Variants in PARP8 observed in about 807,000 individuals in gnomAD.
The protein encoded by PARP8 is protein mono-ADP-ribosyltransferase PARP8.
A neutral mutation model predicts 124.1 loss-of-function variants in PARP8; 51 were observed. The ratio of observed to expected loss-of-function variants is 0.41; its 90% CI spans 0.33 to 0.52. PARP8 has a LOEUF of 0.52. PARP8 is among the 20% of genes least tolerant of loss of function. PARP8 has a pLI of 0.21. For missense variants in PARP8, 860 were observed against 1,018.9 expected (o/e 0.84, Z 2.12); for synonymous variants, 391 against 361.5 (o/e 1.08, Z -0.93).
chr5:50,797,045 A>C lies in PARP8; in HGVS notation c.1479+13A>C. 6.2e-7 allele frequency: 1 copy of C among 1,612,786 alleles called. No individual in the cohort carries two copies. The highest frequency in any genetic ancestry group is 8.5e-7 in the Non-Finnish European group (1 of 1,179,176). On this transcript the variant is annotated intron_variant, in intron 13 of 25. Coordinates refer to ENST00000281631, the MANE Select transcript of PARP8 (RefSeq NM_024615.4). Reference sequence around the variant, plus strand: ...CTTCCTGGTGCAGGTATGAGCCAAAACTCTATCCATTGTACAAATATTTTA... The same window carrying C: ...CTTCCTGGTGCAGGTATGAGCCAAACCTCTATCCATTGTACAAATATTTTA...
At chr5:50,801,372 T>C (rs1260131224) in intron 14 of PARP8, among the ~76,000 whole-genome samples, 2 of 152,200 alleles carry the variant, frequency 1.3e-5, no homozygotes, top group East Asian at 3.9e-4. Flanking sequence ...GTGATGGGAT[T>C]ACAGGCGTGA....
chr5:50,841,270 C>T (rs1447855710), intron 25 of PARP8, among the ~76,000 whole-genome samples: 1 of 151,644 alleles, frequency 6.6e-6, no homozygotes, highest in African/African-American at 2.4e-5. Context: ...TTCTTATTGC[C>T]CAAGTAACTG....
At chr5:50,735,369 C>T (rs556193343) in intron 2 of PARP8, among the ~76,000 whole-genome samples, 37 of 152,186 alleles carry the variant, frequency 2.4e-4, no homozygotes, top group African/African-American at 8.7e-4. Flanking sequence ...AATGTGACTC[C>T]TTTGTTCTAA....
In PARP8 at chr5:50,710,130, G is replaced by C. The variant is rs373612871; in HGVS notation, c.147-40021G>C. Among the ~76,000 whole-genome samples, 97 of 151,306 alleles carry C rather than the reference G, an allele frequency of 6.4e-4. No homozygotes were observed. In the East Asian group the frequency reaches 0.012, roughly 18 times the overall value. On this transcript the variant is annotated intron_variant, in intron 2 of 25. Transcript: ENST00000281631. ...ATTCATATTAATAATTTTTTTCTGG[G>C]GCTAATTATTGTGCTTTCATTTTAT...
intron 21 of PARP8, among the ~76,000 whole-genome samples, chr5:50,829,259 C>T (rs1463935488): frequency 6.6e-6 from 1 of 152,002 alleles, no homozygotes; most frequent in Admixed American, 6.6e-5. Flanking sequence ...CATCTGACAG[C>T]ATAAGGACAT....
intron 9 of PARP8, among the ~76,000 whole-genome samples, chr5:50,782,554 A>G: frequency 6.6e-6 from 1 of 152,214 alleles, no homozygotes; most frequent in Non-Finnish European, 1.5e-5. Context: ...GATTAGGATT[A>G]TTGCTAGCAA....
chr5:50,766,461 C>T (rs1487018262), intron 7 of PARP8, among the ~76,000 whole-genome samples: 1 of 152,156 alleles, frequency 6.6e-6, no homozygotes, highest in East Asian at 1.9e-4. Flanking sequence ...AAGGGAATTA[C>T]AGATCAGAAA....
intron 2 of PARP8, among the ~76,000 whole-genome samples, chr5:50,732,239 G>C (rs1473559854): frequency 2.0e-5 from 3 of 152,032 alleles, no homozygotes; most frequent in African/African-American, 7.3e-5. Flanking sequence ...TTTAGTGAGT[G>C]GTTCTAAGAA....
chr5:50,798,152 T>G lies in PARP8; in HGVS notation c.1575+919T>G, dbSNP rs544368458. Among the ~76,000 whole-genome samples, 11 of 152,306 alleles carry G rather than the reference T, an allele frequency of 7.2e-5. No individual in the cohort carries two copies. The South Asian group carries it at 8.3e-4, about 11-fold the overall frequency. On this transcript the variant is annotated intron_variant, in intron 14 of 25. Coordinates refer to ENST00000281631, the MANE Select transcript of PARP8 (RefSeq NM_024615.4). ...CATATGTCAGTACTTTTATTTCTTT[T>G]TATGGCAGAATAATATACATTTTAT...
chr5:50,667,619 C>T (rs2112177112), intron 1 of PARP8: 1 of 699,018 alleles, frequency 1.4e-6, no homozygotes, highest in Non-Finnish European at 2.6e-6. Flanking sequence ...GCGCCCGGCG[C>T]CGAGGACCCC....
At position 50,694,584 on chromosome 5, in the gene PARP8, G is replaced by A. The variant is rs567711045; in HGVS notation, c.146+26459G>A. ...CTTTAAGAACCTCAGTTTTAACTAT[G>A]AGCCTGACAGTGCACATTGAGATAT... On this transcript the variant is annotated intron_variant, in intron 2 of 25. Transcript: ENST00000281631. Among the ~76,000 whole-genome samples, 13 of 152,276 alleles carry A rather than the reference G, an allele frequency of 8.5e-5. No homozygotes were observed. In the East Asian group the frequency reaches 2.3e-3, roughly 27 times the overall value.
intron 22 of PARP8, among the ~76,000 whole-genome samples, chr5:50,832,017 A>G (rs1297135452): frequency 6.6e-6 from 1 of 152,130 alleles, no homozygotes; most frequent in Non-Finnish European, 1.5e-5. Flanking sequence ...CTTCTCCTCA[A>G]CCTGTCCCCA....
chr5:50,794,793 T>C, intron 11 of PARP8, 60 bp from the exon 12 acceptor site: 1 of 1,435,998 alleles, frequency 7.0e-7, no homozygotes, highest in African/African-American at 1.4e-5. Flanking sequence ...ATGACAAGCT[T>C]TCTTCATGGT....
At chr5:50,768,891 A>C (rs923761241) in intron 7 of PARP8, among the ~76,000 whole-genome samples, 1 of 152,184 alleles carries the variant, frequency 6.6e-6, no homozygotes, top group Non-Finnish European at 1.5e-5. Flanking sequence ...ATGGGTTTGC[A>C]TATACACAGC....
intron 3 of PARP8, among the ~76,000 whole-genome samples, chr5:50,752,343 A>G (rs1028576699): frequency 8.6e-5 from 13 of 152,020 alleles, no homozygotes; most frequent in African/African-American, 3.1e-4. Context: ...AGAACTTGCA[A>G]ACAAATCTGT....
chr5:50,712,574 C>T (rs578024436), intron 2 of PARP8, among the ~76,000 whole-genome samples: 1 of 152,156 alleles, frequency 6.6e-6, no homozygotes, highest in Non-Finnish European at 1.5e-5. Context: ...ATGATTTCCT[C>T]ATTTACTCAT....
At chr5:50,713,697 A>G (rs1755013407) in intron 2 of PARP8, among the ~76,000 whole-genome samples, 2 of 152,054 alleles carry the variant, frequency 1.3e-5, no homozygotes, top group African/African-American at 4.8e-5. Context: ...AATATGATTA[A>G]ATTAAGATTT....
At chr5:50,760,207 G>A in intron 4 of PARP8, 85 bp from the exon 5 acceptor site, 1 of 1,151,682 alleles carries the variant, frequency 8.7e-7, no homozygotes, top group Non-Finnish European at 1.2e-6. Context: ...TCACCTAAAG[G>A]GTAGTTTTAT....
At chr5:50,813,537 A>G (rs559324928) in intron 14 of PARP8, among the ~76,000 whole-genome samples, 1 of 152,160 alleles carries the variant, frequency 6.6e-6, no homozygotes. Context: ...GTCATCTGCA[A>G]ACAGGGACAA....
Sources: gnomAD v4.1 joint callset for allele counts (sites outside exome capture counted in the v4.1 genomes callset) on GRCh38, gnomAD v4.1.1 for gene constraint, MANE v1.5 for transcripts, NCBI Gene and HGNC (gene_info 2026-07-23, HGNC 2026-07-21) for gene names.